The following PTK2B variants were observed in gnomAD, a reference collection of about 807,000 sequenced individuals.
PTK2B encodes protein-tyrosine kinase 2-beta.
In PTK2B, 71 loss-of-function variants were observed where a neutral mutation model predicts 142.9. The ratio of observed to expected loss-of-function variants is 0.50; its 90% CI spans 0.41 to 0.61. The LOEUF (loss-of-function observed/expected upper bound fraction) is 0.61, where lower values mean the gene tolerates loss of function less well. PTK2B is among the 20% of genes least tolerant of loss of function. The pLI, the probability that PTK2B is intolerant of heterozygous loss-of-function variation, is 0.00. For synonymous variants in PTK2B, 519 were observed against 503.4 expected (o/e 1.03, Z -0.42); for missense variants, 1,105 against 1,320.4 (o/e 0.84, Z 2.53).
chr8:27,318,395 A>T (rs1399624832), intron 3 of PTK2B, among the ~76,000 whole-genome samples: 1 of 152,182 alleles, frequency 6.6e-6, no homozygotes, highest in Non-Finnish European at 1.5e-5. Flanking sequence ...TGGGGACCAG[A>T]TGAGCCCACT....
At chr8:27,398,355 A>G (rs1808189956) in intron 2 of PTK2B, among the ~76,000 whole-genome samples, 1 of 152,208 alleles carries the variant, frequency 6.6e-6, no homozygotes, top group African/African-American at 2.4e-5. Flanking sequence ...TCTGTTTTGC[A>G]GGTCCAGGTA....
chr8:27,383,779 G>C (rs1294087674), intron 1 of PTK2B, among the ~76,000 whole-genome samples: 1 of 151,284 alleles, frequency 6.6e-6, no homozygotes, highest in African/African-American at 2.4e-5. Context: ...TTGACCTCCT[G>C]GGCTCAACTG....
rs143896915 is a variant in PTK2B, at chr8:27,372,558, C to G, written c.-37-24990C>G. Among the ~76,000 whole-genome samples the G allele has an allele frequency of 9.2e-5, 14 of 152,280 alleles. 1 individual carries two copies. Among genetic ancestry groups the G allele is most frequent in the Admixed American group, 3.3e-4 (5 of 15,298 alleles). On this transcript the variant is annotated intron_variant, in intron 1 of 30. Coordinates refer to ENST00000346049, the MANE Select transcript of PTK2B (RefSeq NM_173176.3). ...ATCCACTTTACTCAGTCTACCAACT[C>G]AAAAGCTAATCTCATGCAAAAGCAC...
intron 27 of PTK2B, chr8:27,451,955 C>T (rs1811846419): frequency 4.7e-6 from 1 of 215,028 alleles, no homozygotes; most frequent in Non-Finnish European, 8.2e-6. Flanking sequence ...CCAGAAGACC[C>T]TGTTGCAGGC....
chr8:27,423,038 G>A (rs1011186084), intron 5 of PTK2B, among the ~76,000 whole-genome samples: 1 of 152,190 alleles, frequency 6.6e-6, no homozygotes, highest in Non-Finnish European at 1.5e-5. Context: ...TCCAGGCTCA[G>A]GGATCAGTGG....
chr8:27,437,686 G>C, intron 17 of PTK2B, 79 bp from the exon 18 acceptor site: 1 of 1,415,628 alleles, frequency 7.1e-7, no homozygotes, highest in Non-Finnish European at 9.8e-7. Flanking sequence ...GGAAGGGTCA[G>C]GGGTTGCCAG....
intron 15 of PTK2B, among the ~76,000 whole-genome samples, chr8:27,436,699 C>T (rs766191581): frequency 6.6e-6 from 1 of 151,914 alleles, no homozygotes; most frequent in Non-Finnish European, 1.5e-5. Flanking sequence ...AGTGATGGGG[C>T]AGGGTAAGGC....
chr8:27,456,708 C>T (rs1471041554), intron 30 of PTK2B, among the ~76,000 whole-genome samples: 3 of 152,222 alleles, frequency 2.0e-5, no homozygotes, highest in Non-Finnish European at 4.4e-5. Flanking sequence ...AAAAGATAGG[C>T]CTCTTCTGCC....
chr8:27,351,903 A>G (rs965048736), intron 1 of PTK2B, among the ~76,000 whole-genome samples: 1 of 152,138 alleles, frequency 6.6e-6, no homozygotes, highest in Non-Finnish European at 1.5e-5. Context: ...AGGGAAAGAG[A>G]AACTGCTAAT....
At chr8:27,451,184 T>C in intron 26 of PTK2B, 106 bp downstream of exon 26, 2 of 1,314,880 alleles carry the variant, frequency 1.5e-6, no homozygotes, top group Non-Finnish European at 2.2e-6. Flanking sequence ...CCTGCCCAGC[T>C]CCTCCTCAAT....
At chr8:27,398,900 C>T (rs116243695) in intron 2 of PTK2B, among the ~76,000 whole-genome samples, 2,439 of 152,326 alleles carry the variant, frequency 0.016, 68 homozygotes, top group African/African-American at 0.055. Context: ...TTGATTATGT[C>T]ACTGTCATGG....
intron 9 of PTK2B, chr8:27,432,027 T>C: frequency 2.2e-6 from 1 of 454,430 alleles, no homozygotes; most frequent in East Asian, 3.2e-5. Flanking sequence ...GTAGTGTTAG[T>C]GTATTTTATG....
At chr8:27,325,766 T>G (rs1234650959) in intron 1 of PTK2B, 85 bp downstream of exon 1, 1 of 152,298 alleles carries the variant, frequency 6.6e-6, no homozygotes, top group Non-Finnish European at 1.5e-5. Flanking sequence ...TGGGGACAAT[T>G]CCGGGATCCT....
chr8:27,443,469 G>A (rs1480349012), intron 22 of PTK2B, among the ~76,000 whole-genome samples: 2 of 152,194 alleles, frequency 1.3e-5, no homozygotes, highest in African/African-American at 4.8e-5. Context: ...AACAGCAGAT[G>A]TTTATCTCTC....
chr8:27,367,592 G>T (rs1290125653), intron 1 of PTK2B, among the ~76,000 whole-genome samples: 1 of 152,198 alleles, frequency 6.6e-6, no homozygotes, highest in African/African-American at 2.4e-5. Flanking sequence ...TCTTTGCATT[G>T]TTGTAGCAGA....
chr8:27,397,701 T>C lies in PTK2B; in HGVS notation c.117T>C (p.Arg39=). Residue 39 remains arginine, a synonymous_variant, in exon 2 of 31, where the codon CGT becomes CGC. Coordinates refer to ENST00000346049, the MANE Select transcript of PTK2B (RefSeq NM_173176.3). ...VPVDVEKEDV[R]ILKVCFYSNS... ...TAGATGTGGAAAAGGAGGACGTGCG[T>C]ATCCTCAAGGTCTGCTTCTATAGCA... is the stretch of plus-strand genomic sequence containing the variant. 6.2e-7 allele frequency: 1 copy of C among 1,614,282 alleles called. No individual in the cohort carries two copies. The highest frequency in any genetic ancestry group is 8.5e-7 in the Non-Finnish European group (1 of 1,180,044).
At chr8:27,377,016 C>A (rs1199806054) in intron 1 of PTK2B, among the ~76,000 whole-genome samples, 1 of 152,036 alleles carries the variant, frequency 6.6e-6, no homozygotes, top group Non-Finnish European at 1.5e-5. Context: ...ATTTTCACTC[C>A]TGCGTTTAGA....
chr8:27,432,848 A>G (rs1586311993), intron 10 of PTK2B, among the ~76,000 whole-genome samples: 1 of 151,576 alleles, frequency 6.6e-6, no homozygotes, highest in South Asian at 2.1e-4. Flanking sequence ...TTTTTTTTAG[A>G]CAAAGTCTCA....
At chr8:27,342,313 G>T (rs551137004) in intron 1 of PTK2B, among the ~76,000 whole-genome samples, 1 of 150,956 alleles carries the variant, frequency 6.6e-6, no homozygotes. Flanking sequence ...TTGAGACAGG[G>T]TCTCACTCTC....
Sources: allele counts gnomAD v4.1 joint callset (sites outside exome capture counted in the v4.1 genomes callset), GRCh38; gene constraint gnomAD v4.1.1; transcripts MANE v1.5; gene names NCBI Gene and HGNC (gene_info 2026-07-23, HGNC 2026-07-21).